The following SEC24A variants were observed in gnomAD, a reference collection of about 807,000 sequenced individuals.
The protein encoded by SEC24A is SEC24 homolog A, COPII component, also known as protein transport protein Sec24A.
A neutral mutation model predicts 129.4 loss-of-function variants in SEC24A; 93 were observed. The observed-to-expected ratio is 0.72, with a 90% CI of 0.61 to 0.85. The LOEUF is 0.85. SEC24A is among the 40% of genes least tolerant of loss of function. The probability of loss-of-function intolerance (pLI) is 0.00; values close to 1 mark genes in which losing one functional copy is unlikely to be tolerated. For synonymous variants in SEC24A, 460 were observed against 467.3 expected (o/e 0.98, Z 0.20); for missense variants, 1,264 against 1,307.4 (o/e 0.97, Z 0.51).
chr5:134,693,516 G>A, intron 12 of SEC24A: 3 of 1,422,110 alleles, frequency 2.1e-6, no homozygotes, highest in South Asian at 1.5e-5. Flanking sequence ...TGCAAGAACT[G>A]TAAGGCCCAA....
At chr5:134,706,822 C>A (rs576645426) in intron 17 of SEC24A, among the ~76,000 whole-genome samples, 1 of 152,256 alleles carries the variant, frequency 6.6e-6, no homozygotes, top group Non-Finnish European at 1.5e-5. Context: ...TCCCAAGTAG[C>A]TGGGACTACA....
At chr5:134,648,771 G>A (rs1023127172), upstream of SEC24A, 1 of 224,836 alleles carries the variant, frequency 4.4e-6, no homozygotes, top group Non-Finnish European at 8.8e-6. Context: ...CTGCGCGGCC[G>A]GCGGCTGACA....
chr5:134,699,679 C>CTCT (rs1468280624), intron 15 of SEC24A, among the ~76,000 whole-genome samples: 1 of 145,840 alleles, frequency 6.9e-6, no homozygotes, highest in Admixed American at 6.9e-5. Context: ...AGTGGGGGAT[C>CTCT]TCTTAGTTTG....
chr5:134,654,520 G>A (rs943144522), intron 1 of SEC24A, among the ~76,000 whole-genome samples: 5 of 151,460 alleles, frequency 3.3e-5, no homozygotes, highest in African/African-American at 1.2e-4. Context: ...GCGCCCAGCT[G>A]AGAGGTTTTT....
At position 134,726,034 on chromosome 5, in the gene SEC24A, T is replaced by C. The variant is rs1485865835; in HGVS notation, c.*940T>C. 6.6e-6 allele frequency: 1 copy of C among 152,548 alleles called. No homozygotes were observed. The highest frequency in any genetic ancestry group is 1.5e-5 in the Non-Finnish European group (1 of 67,960). 9.4% of individuals were successfully genotyped at this position (152,548 alleles called of 1,614,324 possible). ...ATCAGTAACATTTTTCTAAGGAGTT[T>C]AATTGTTAAATTGGAAGTCATTCAT... On this transcript the variant is annotated 3_prime_UTR_variant, in exon 23 of 23. Transcript: ENST00000398844.
intron 21 of SEC24A, 48 bp downstream of exon 21, chr5:134,721,138 C>A: frequency 8.8e-7 from 1 of 1,142,604 alleles, no homozygotes; most frequent in Non-Finnish European, 1.3e-6. Context: ...TCAAAGTTGG[C>A]AAAAACATGA....
At chr5:134,658,971 A>G (rs987803099) in intron 1 of SEC24A, among the ~76,000 whole-genome samples, 1 of 152,112 alleles carries the variant, frequency 6.6e-6, no homozygotes, top group African/African-American at 2.4e-5. Flanking sequence ...TAGGAACTCA[A>G]ATGCCTTCTG....
At chr5:134,704,457 G>A (rs1294067325) in intron 16 of SEC24A, among the ~76,000 whole-genome samples, 4 of 152,046 alleles carry the variant, frequency 2.6e-5, no homozygotes, top group Admixed American at 1.3e-4. Context: ...ATTTGAATGC[G>A]ATCCCTGTTC....
chr5:134,720,832 T>G (rs60501642), intron 20 of SEC24A, among the ~76,000 whole-genome samples, 166 bp from the exon 21 acceptor site: 7,174 of 151,434 alleles, frequency 0.047, 310 homozygotes, highest in African/African-American at 0.12. Context: ...AACCCAGGAG[T>G]CGGAGGTTGC....
chr5:134,693,107 G>A, intron 12 of SEC24A: 2 of 1,535,802 alleles, frequency 1.3e-6, no homozygotes, highest in Non-Finnish European at 1.7e-6. Flanking sequence ...AGTGAGAGGT[G>A]AACAGAATGT....
intron 20 of SEC24A, among the ~76,000 whole-genome samples, chr5:134,718,629 TTG>T: frequency 6.6e-6 from 1 of 152,244 alleles, no homozygotes; most frequent in East Asian, 1.9e-4. Context: ...TAATGTGTGT[TTG>T]TGTTTCAGTA....
intron 17 of SEC24A, among the ~76,000 whole-genome samples, chr5:134,706,221 G>A (rs1424263360): frequency 1.3e-5 from 2 of 152,072 alleles, no homozygotes; most frequent in East Asian, 1.9e-4. Context: ...TATTAGTGCT[G>A]TTTAATACTC....
intron 8 of SEC24A, among the ~76,000 whole-genome samples, chr5:134,682,166 C>T (rs1030073156): frequency 1.3e-5 from 2 of 151,842 alleles, no homozygotes; most frequent in African/African-American, 2.4e-5. Context: ...TCGCTTGAAC[C>T]TAGGAGGTGG....
intron 18 of SEC24A, among the ~76,000 whole-genome samples, chr5:134,709,836 G>A (rs1370265457): frequency 1.3e-5 from 2 of 151,760 alleles, no homozygotes; most frequent in Non-Finnish European, 2.9e-5. Flanking sequence ...GACCATACAT[G>A]TTATTTTATT....
At chr5:134,670,988 CA>C (rs768927487) in intron 3 of SEC24A, among the ~76,000 whole-genome samples, 2 of 149,168 alleles carry the variant, frequency 1.3e-5, no homozygotes, top group East Asian at 2.0e-4. Flanking sequence ...GACTCCATCT[CA>C]AAAAAAAAGA....
At chr5:134,665,457 GAAA>G (rs1156650780) in intron 2 of SEC24A, among the ~76,000 whole-genome samples, 1 of 124,824 alleles carries the variant, frequency 8.0e-6, no homozygotes, top group Non-Finnish European at 1.7e-5. Flanking sequence ...CTTCGTCTCA[GAAA>G]AAAAAAAAAA....
Position 134,727,484 on chromosome 5 carries a change from A to C in SEC24A, c.*2390A>C, listed in dbSNP as rs971558532. ...GTTTGCATATATTTTCACTGTTTTT[A>C]ATTTAATGTATTGAGTCTAATAGAC... On this transcript the variant is annotated 3_prime_UTR_variant, in exon 23 of 23. Coordinates refer to ENST00000398844, the MANE Select transcript of SEC24A (RefSeq NM_021982.3). 6 of 152,592 alleles carry C rather than the reference A, an allele frequency of 3.9e-5. No individual in the cohort carries two copies. Among genetic ancestry groups the C allele is most frequent in the Non-Finnish European group, 5.9e-5 (4 of 68,012 alleles). The allele number at this position is 152,592 out of a possible 1,614,324, so 9.5% of individuals were successfully genotyped here.
At chr5:134,678,848 G>A (rs1049187984) in intron 7 of SEC24A, among the ~76,000 whole-genome samples, 5 of 152,110 alleles carry the variant, frequency 3.3e-5, no homozygotes, top group African/African-American at 1.2e-4. Context: ...CCAAAGTGCT[G>A]GGATTACAGG....
intron 11 of SEC24A, among the ~76,000 whole-genome samples, chr5:134,691,478 T>G (rs1751648732): frequency 6.6e-6 from 1 of 150,748 alleles, no homozygotes; most frequent in African/African-American, 2.4e-5. Context: ...ATAGTCCCTT[T>G]TTAAAGGCAC....
Sources: allele counts gnomAD v4.1 joint callset (sites outside exome capture counted in the v4.1 genomes callset), GRCh38; gene constraint gnomAD v4.1.1; transcripts MANE v1.5; gene names NCBI Gene and HGNC (gene_info 2026-07-23, HGNC 2026-07-21).